MCC: variants seen among roughly 807,000 people sequenced by gnomAD.
MCC encodes colorectal mutant cancer protein.
A neutral mutation model predicts 116.2 loss-of-function variants in MCC; 90 were observed. That is an observed-to-expected ratio of 0.77 (90% confidence interval 0.65 to 0.92). The LOEUF (loss-of-function observed/expected upper bound fraction) is 0.92. Among genes scored for constraint, MCC ranks in the 40% least tolerant of loss-of-function variants. The probability of loss-of-function intolerance (pLI) is 0.00; values close to 1 mark genes in which losing one functional copy is unlikely to be tolerated. For synonymous variants in MCC, 578 were observed against 510.5 expected, an observed-to-expected ratio of 1.13 and a Z score of -1.78; for missense variants, 1,516 against 1,312.2, an observed-to-expected ratio of 1.16 and a Z score of -2.40.
intron 3 of MCC, among the ~76,000 whole-genome samples, chr5:113,174,511 C>A (rs1761229076): frequency 6.6e-6 from 1 of 152,098 alleles, no homozygotes; most frequent in South Asian, 2.1e-4. Context: ...AATAAATACA[C>A]TGACATATCC....
At chr5:113,056,996 G>A (rs1402364157) in intron 14 of MCC, among the ~76,000 whole-genome samples, 36 of 152,312 alleles carry the variant, frequency 2.4e-4, no homozygotes, top group Admixed American at 2.6e-4. Context: ...TTGAGCTGCA[G>A]GGAAGGCCTG....
chr5:113,125,168 G>A (rs919856993), intron 5 of MCC, among the ~76,000 whole-genome samples: 4 of 152,136 alleles, frequency 2.6e-5, no homozygotes, highest in African/African-American at 7.2e-5. Flanking sequence ...ATATTGCACC[G>A]GAGGATGCAA....
chr5:113,413,015 T>G (rs1270944126), intron 1 of MCC, among the ~76,000 whole-genome samples: 1 of 152,226 alleles, frequency 6.6e-6, no homozygotes, highest in Non-Finnish European at 1.5e-5. Flanking sequence ...CTTTTCTGCA[T>G]CTATTGAGAT....
At chr5:113,468,034 A>T (rs2150429344) in intron 1 of MCC, among the ~76,000 whole-genome samples, 1 of 152,304 alleles carries the variant, frequency 6.6e-6, no homozygotes, top group East Asian at 1.9e-4. Context: ...TTGATTTTGT[A>T]TCCTGAGACT....
intron 3 of MCC, among the ~76,000 whole-genome samples, chr5:113,288,590 A>C (rs1240459899): frequency 1.3e-5 from 2 of 152,224 alleles, no homozygotes; most frequent in African/African-American, 2.4e-5. Context: ...TACTCTAATC[A>C]TATCATTTCA....
intron 3 of MCC, among the ~76,000 whole-genome samples, chr5:113,174,062 C>A (rs1425132688): frequency 6.6e-6 from 1 of 152,138 alleles, no homozygotes; most frequent in Admixed American, 6.5e-5. Flanking sequence ...TTGAGAACTA[C>A]AGAAATGTGT....
intron 1 of MCC, among the ~76,000 whole-genome samples, chr5:113,416,716 A>G (rs1770161334): frequency 6.6e-6 from 1 of 152,006 alleles, no homozygotes. Context: ...GAGGAGAGAA[A>G]TATACTTTCC....
chr5:113,432,112 G>T (rs1770670798), intron 1 of MCC, among the ~76,000 whole-genome samples: 1 of 151,906 alleles, frequency 6.6e-6, no homozygotes, highest in African/African-American at 2.4e-5. Flanking sequence ...CTCCAGCCTG[G>T]AGATAGAGCG....
chr5:113,468,331 C>G (rs1392615516), intron 1 of MCC, among the ~76,000 whole-genome samples: 1 of 152,076 alleles, frequency 6.6e-6, no homozygotes, highest in Non-Finnish European at 1.5e-5. Context: ...TCATAGATAG[C>G]TCTTATTATT....
In MCC at chr5:113,071,201, G is replaced by C. The variant is rs769141588; in HGVS notation, c.1818C>G (p.Leu606=). Residue 606 remains leucine (L), a synonymous_variant, in exon 12 of 19, where the codon CTC becomes CTG. Coordinates refer to ENST00000408903, the MANE Select transcript of MCC (RefSeq NM_001085377.2). ...TACATTCCTCCAAGGTTATGGTCAG[G>C]AGGTCATTTTGGGATTTGAGGTGCT... ...RIEHLKSQND[L]LTITLEECKS... is the part of the protein sequence containing the mutation. 1.2e-6 allele frequency: 2 copies of C among 1,614,028 alleles called. No homozygotes were observed. The highest frequency in any genetic ancestry group is 1.3e-5 in the African/African-American group (1 of 74,898).
chr5:113,269,180 G>T, intron 3 of MCC: 1 of 985,376 alleles, frequency 1.0e-6, no homozygotes, highest in Non-Finnish European at 1.2e-6. Context: ...CAAACCCATG[G>T]AACACCAGCA....
intron 3 of MCC, among the ~76,000 whole-genome samples, chr5:113,244,727 G>A (rs1764505379): frequency 6.6e-6 from 1 of 152,186 alleles, no homozygotes; most frequent in African/African-American, 2.4e-5. Flanking sequence ...GAGGCTAGAA[G>A]TAAAGATAGC....
At chr5:113,088,158 A>G (rs553282746) in intron 8 of MCC, among the ~76,000 whole-genome samples, 1 of 152,318 alleles carries the variant, frequency 6.6e-6, no homozygotes, top group East Asian at 1.9e-4. Flanking sequence ...GATAGTTGCT[A>G]GCCAGTGGAA....
chr5:113,300,137 G>T (rs1386881711), intron 3 of MCC, among the ~76,000 whole-genome samples: 2 of 152,144 alleles, frequency 1.3e-5, no homozygotes, highest in African/African-American at 4.8e-5. Flanking sequence ...TCTATTCTGG[G>T]TCTGGTCTGT....
At position 113,026,656 on chromosome 5, in the gene MCC, C is replaced by A. The variant is rs1351500635; in HGVS notation, c.*646G>T. 1 of 152,186 alleles carries A rather than the reference C, an allele frequency of 6.6e-6. No homozygotes were observed. The highest frequency in any genetic ancestry group is 1.5e-5 in the Non-Finnish European group (1 of 68,074). 9.4% of individuals were successfully genotyped at this position (152,186 alleles called of 1,614,324 possible). On this transcript the variant is annotated 3_prime_UTR_variant, in exon 19 of 19. Coordinates refer to ENST00000408903, the MANE Select transcript of MCC (RefSeq NM_001085377.2). ...CAATACAAAATTGTTCAGGCACAGT[C>A]CTGGTGGTGGTCTGTTTGTAACTTT...
intron 2 of MCC, among the ~76,000 whole-genome samples, chr5:113,344,971 G>C (rs935528317): frequency 1.3e-5 from 2 of 152,150 alleles, no homozygotes; most frequent in African/African-American, 2.4e-5. Flanking sequence ...CAGTGGGGTA[G>C]AGCAACAAGC....
At chr5:113,144,405 G>A (rs780142016) in intron 4 of MCC, among the ~76,000 whole-genome samples, 1 of 152,210 alleles carries the variant, frequency 6.6e-6, no homozygotes, top group South Asian at 2.1e-4. Flanking sequence ...CCTGTCAGCA[G>A]AGGAACTTTA....
At chr5:113,093,381 C>T (rs1444470162) in intron 8 of MCC, among the ~76,000 whole-genome samples, 1 of 152,102 alleles carries the variant, frequency 6.6e-6, no homozygotes, top group Non-Finnish European at 1.5e-5. Context: ...GGGTCGAGCG[C>T]ACTGTGATTA....
intron 3 of MCC, among the ~76,000 whole-genome samples, chr5:113,281,530 G>A (rs921551798): frequency 6.6e-6 from 1 of 152,126 alleles, no homozygotes; most frequent in African/African-American, 2.4e-5. Flanking sequence ...AAGGTTACTG[G>A]GCACAAGAGG....
Sources: gnomAD v4.1 joint callset for allele counts (sites outside exome capture counted in the v4.1 genomes callset) on GRCh38, gnomAD v4.1.1 for gene constraint, MANE v1.5 for transcripts, NCBI Gene and HGNC (gene_info 2026-07-23, HGNC 2026-07-21) for gene names.